MARK2: variants seen among roughly 807,000 people sequenced by gnomAD.
MARK2 encodes the protein serine/threonine-protein kinase MARK2.
MARK2 carries 16 observed loss-of-function variants against 89.8 expected under a neutral mutation model. That is an observed-to-expected ratio of 0.18 (90% CI 0.12 to 0.27). The LOEUF (loss-of-function observed/expected upper bound fraction) is 0.27. MARK2 is among the 10% of genes least tolerant of loss of function. The probability of loss-of-function intolerance (pLI) is 1.00; values close to 1 mark genes in which losing one functional copy is unlikely to be tolerated. For missense variants in MARK2, 621 were observed against 1,049.9 expected (o/e 0.59, Z 5.65); for synonymous variants, 382 against 399.5 (o/e 0.96, Z 0.52).
intron 1 of MARK2, among the ~76,000 whole-genome samples, chr11:63,893,619 C>T (rs1227355685): frequency 4.6e-5 from 7 of 152,080 alleles, no homozygotes; most frequent in African/African-American, 1.7e-4. Flanking sequence ...GAGGAATGTA[C>T]ACGTCTTCAC....
rs1343172000 is a variant in MARK2 at position 63,900,128 on chromosome 11, CT to C, written c.768+23del. The C allele has an allele frequency of 1.9e-6, 3 of 1,546,020 alleles. No homozygotes were observed. Among genetic ancestry groups the C allele is most frequent in the Non-Finnish European group, 2.7e-6 (3 of 1,118,158 alleles). ...ACCTCAAGGTGGAGTGAAGTGCAAGCTTTTTATTGCTTCTCATTTCCTCTCG... is the reference window on the plus strand; with the variant it reads ...ACCTCAAGGTGGAGTGAAGTGCAAGCTTTTATTGCTTCTCATTTCCTCTCG... On this transcript the variant is annotated intron_variant, in intron 8 of 18. Coordinates refer to ENST00000402010, the MANE Select transcript of MARK2 (RefSeq NM_001039469.3). This position sits in a 1 kb window ranked among gnomAD's most constrained non-coding sequence, Gnocchi z 4.7.
intron 1 of MARK2, among the ~76,000 whole-genome samples, chr11:63,863,988 T>G (rs949672756): frequency 6.6e-6 from 1 of 151,044 alleles, no homozygotes; most frequent in East Asian, 2.0e-4. Context: ...GAGTCTCGCT[T>G]TGTCGCCCAG....
chr11:63,892,339 G>C (rs944637405), intron 1 of MARK2, among the ~76,000 whole-genome samples: 88 of 152,324 alleles, frequency 5.8e-4, no homozygotes, highest in African/African-American at 1.9e-3. Context: ...CAGTGAAGAA[G>C]GGGAAATGTC....
At chr11:63,841,323 G>C (rs1033726727) in intron 1 of MARK2, among the ~76,000 whole-genome samples, 1 of 152,186 alleles carries the variant, frequency 6.6e-6, no homozygotes, top group Non-Finnish European at 1.5e-5. Flanking sequence ...TTCTCTGCAG[G>C]GTTGACCCTT....
Position 63,900,453 on chromosome 11 carries a change from A to G in MARK2, c.769-106A>G, listed in dbSNP as rs1374225466. 2.4e-5 allele frequency: 32 copies of G among 1,360,140 alleles called. No homozygotes were observed. Among genetic ancestry groups the G allele is most frequent in the Non-Finnish European group, 3.2e-5 (32 of 984,630 alleles). The allele number at this position is 1,360,140 out of a possible 1,614,324, so 84.3% of individuals were successfully genotyped here. Reference sequence around the variant, plus strand: ...GGCTGTCTGCCTTCTTCCATATTTCATTTATGTCTGCTTTGCCAGGCTTAA... The same window carrying G: ...GGCTGTCTGCCTTCTTCCATATTTCGTTTATGTCTGCTTTGCCAGGCTTAA... On this transcript the variant is annotated intron_variant, in intron 8 of 18. Coordinates refer to ENST00000402010, the MANE Select transcript of MARK2 (RefSeq NM_001039469.3). The surrounding 1 kb of genome is among the most constrained non-coding windows in gnomAD (Gnocchi z 4.7).
chr11:63,899,748 T>G, intron 7 of MARK2, 126 bp from the exon 8 acceptor site: 1 of 717,938 alleles, frequency 1.4e-6, no homozygotes. Flanking sequence ...GCCCTGAAAT[T>G]GGTGGAGAAA....
At chr11:63,841,321 AGGGTT>A (rs2016006132) in intron 1 of MARK2, among the ~76,000 whole-genome samples, 1 of 152,186 alleles carries the variant, frequency 6.6e-6, no homozygotes, top group Non-Finnish European at 1.5e-5. Flanking sequence ...TTTTCTCTGC[AGGGTT>A]GACCCTTTTA....
rs1173422650 is a variant in MARK2 at position 63,839,386 on chromosome 11, C to T, written c.-121C>T. 4 of 606,152 alleles carry T rather than the reference C, an allele frequency of 6.6e-6. No individual in the cohort carries two copies. The highest frequency in any genetic ancestry group is 3.4e-5 in the Admixed American group (1 of 29,320). The allele number at this position is 606,152 out of a possible 1,614,324, so 37.5% of individuals were successfully genotyped here. On this transcript the variant is annotated 5_prime_UTR_variant, in exon 1 of 19. Coordinates refer to ENST00000402010, the MANE Select transcript of MARK2 (RefSeq NM_001039469.3). ...CGGCTGCCCGGCCTCCCCGCACCCC[C>T]GGCCGGGGCCCATGCGGCGGGTGCT... is the stretch of plus-strand genomic sequence containing the variant.
At chr11:63,886,385 A>G (rs529464250) in intron 1 of MARK2, among the ~76,000 whole-genome samples, 8 of 151,212 alleles carry the variant, frequency 5.3e-5, no homozygotes, top group African/African-American at 1.9e-4. Flanking sequence ...TGGCCTCCCA[A>G]AGTGCTGGGA....
chr11:63,907,310 C>T (rs1336524944), intron 17 of MARK2, among the ~76,000 whole-genome samples: 2 of 152,208 alleles, frequency 1.3e-5, no homozygotes, highest in East Asian at 1.9e-4. Flanking sequence ...AGGGGGCTGC[C>T]CCACAGGGGG....
chr11:63,879,856 A>G (rs1158365835), intron 1 of MARK2, among the ~76,000 whole-genome samples: 1 of 152,004 alleles, frequency 6.6e-6, no homozygotes, highest in Non-Finnish European at 1.5e-5. Flanking sequence ...CCTCCTCCTT[A>G]TTCAACTCCC....
At chr11:63,901,158 A>C in intron 11 of MARK2, 89 bp downstream of exon 11, 11 of 839,612 alleles carry the variant, frequency 1.3e-5, no homozygotes, top group Non-Finnish European at 2.0e-5. Flanking sequence ...GCAGAAGCTC[A>C]TCTCTGAGTA....
chr11:63,841,383 G>A (rs1212419800), intron 1 of MARK2, among the ~76,000 whole-genome samples: 2 of 152,138 alleles, frequency 1.3e-5, no homozygotes, highest in Non-Finnish European at 2.9e-5. Context: ...GGGTTGAGAG[G>A]GAGGGATGGT....
chr11:63,884,000 G>A (rs1939252648), intron 1 of MARK2, among the ~76,000 whole-genome samples: 1 of 152,210 alleles, frequency 6.6e-6, no homozygotes, highest in African/African-American at 2.4e-5. Flanking sequence ...CTCATGTTCA[G>A]TCAGCTGGTA....
intron 1 of MARK2, among the ~76,000 whole-genome samples, chr11:63,884,035 T>G (rs956605869): frequency 6.6e-6 from 1 of 152,248 alleles, no homozygotes; most frequent in Non-Finnish European, 1.5e-5. Flanking sequence ...GCAGAGCGAC[T>G]ATAGTAAGTT....
chr11:63,905,636 G>T (rs1941266053), intron 16 of MARK2, among the ~76,000 whole-genome samples: 1 of 152,244 alleles, frequency 6.6e-6, no homozygotes, highest in Admixed American at 6.5e-5. Flanking sequence ...TGGACCCAGG[G>T]TGGGGATCTC....
At chr11:63,892,616 A>T (rs1415608156) in intron 1 of MARK2, among the ~76,000 whole-genome samples, 3 of 151,798 alleles carry the variant, frequency 2.0e-5, no homozygotes, top group Non-Finnish European at 4.4e-5. Flanking sequence ...TGGTTCTGGG[A>T]TGAGGCTCTG....
intron 1 of MARK2, among the ~76,000 whole-genome samples, chr11:63,864,076 C>G (rs1937984499): frequency 6.6e-6 from 1 of 151,916 alleles, no homozygotes; most frequent in Non-Finnish European, 1.5e-5. Context: ...GCCTCAGCCT[C>G]CCAAGTAGCT....
At chr11:63,855,918 G>GCAT (rs2016813147) in intron 1 of MARK2, among the ~76,000 whole-genome samples, 1 of 152,174 alleles carries the variant, frequency 6.6e-6, no homozygotes. Context: ...AAGATTATTA[G>GCAT]CATAAACATG....
Sources: allele counts gnomAD v4.1 joint callset (sites outside exome capture counted in the v4.1 genomes callset), GRCh38; gene constraint gnomAD v4.1.1; non-coding constraint Gnocchi (gnomAD v3.1); transcripts MANE v1.5; gene names NCBI Gene and HGNC (gene_info 2026-07-23, HGNC 2026-07-21).